TMEM196: variants seen among roughly 807,000 people sequenced by gnomAD.
TMEM196 encodes transmembrane protein 196.
TMEM196 carries 17 observed loss-of-function variants against 20.0 expected under a neutral mutation model. The observed-to-expected ratio is 0.85, with a 90% confidence interval of 0.58 to 1.27. The LOEUF (loss-of-function observed/expected upper bound fraction) is 1.27, where lower values mean the gene tolerates loss of function less well. Among genes scored for constraint, TMEM196 ranks in the 50% most tolerant of loss-of-function variants. The pLI is 0.00. For synonymous variants in TMEM196, 113 were observed against 88.9 expected (o/e 1.27, Z -1.52); for missense variants, 267 against 223.0 (o/e 1.20, Z -1.26).
chr7:19,762,019 A>G (rs548970308), intron 1 of TMEM196, among the ~76,000 whole-genome samples: 2 of 152,154 alleles, frequency 1.3e-5, no homozygotes, highest in African/African-American at 2.4e-5. Context: ...TTAAAAAATT[A>G]TCTCTTGAAT....
chr7:19,747,238 G>A (rs1452938446), intron 1 of TMEM196, among the ~76,000 whole-genome samples: 1 of 146,088 alleles, frequency 6.8e-6, no homozygotes, highest in Admixed American at 7.0e-5. Context: ...CTGGGCGACA[G>A]AGCGAGACTC....
At chr7:19,741,746 GAAGT>G (rs1319339091) in intron 1 of TMEM196, among the ~76,000 whole-genome samples, 2 of 152,134 alleles carry the variant, frequency 1.3e-5, no homozygotes, top group Admixed American at 6.6e-5. Flanking sequence ...TTAGAGATGA[GAAGT>G]AATTTCCCAA....
chr7:19,748,751 A>G (rs921581076), intron 1 of TMEM196, among the ~76,000 whole-genome samples: 4 of 152,222 alleles, frequency 2.6e-5, no homozygotes, highest in African/African-American at 9.6e-5. Flanking sequence ...GCAAGTGGAA[A>G]TTTGGAGTGG....
In TMEM196 at chr7:19,740,627, A is replaced by G. The variant is rs778299124; in HGVS notation, c.148-11189T>C. 2.6e-5 allele frequency among the ~76,000 whole-genome samples: 4 copies of G among 152,166 alleles called. No individual in the cohort carries two copies. The South Asian group carries it at 8.3e-4, about 31-fold the overall frequency. Reference sequence around the variant, plus strand: ...CTAACAAAAACTCCCTAATCTGTACATACTCAGAATGTGTATTTGGAATGA... The same window carrying G: ...CTAACAAAAACTCCCTAATCTGTACGTACTCAGAATGTGTATTTGGAATGA... On this transcript the variant is annotated intron_variant, in intron 1 of 4. Coordinates refer to ENST00000405844, the MANE Select transcript of TMEM196 (RefSeq NM_001363562.2).
intron 4 of TMEM196, 38 bp downstream of exon 4, chr7:19,724,242 G>T (rs186418314): frequency 6.5e-7 from 1 of 1,530,138 alleles, no homozygotes; most frequent in South Asian, 1.2e-5. Context: ...TTTCTGCAGC[G>T]ACATTACAAC....
intron 1 of TMEM196, among the ~76,000 whole-genome samples, chr7:19,730,407 C>T (rs1044026896): frequency 6.6e-6 from 1 of 152,126 alleles, no homozygotes; most frequent in African/African-American, 2.4e-5. Context: ...TTTTAGTAAT[C>T]ATAAAATGAT....
intron 1 of TMEM196, among the ~76,000 whole-genome samples, chr7:19,769,671 A>G: frequency 6.6e-6 from 1 of 152,096 alleles, no homozygotes; most frequent in Non-Finnish European, 1.5e-5. Context: ...ATCCATGAAT[A>G]CAAACCAACC....
rs186452899 is a variant in TMEM196, at chr7:19,743,491, A to T, written c.148-14053T>A. Among the ~76,000 whole-genome samples, 983 of 152,260 alleles carry T rather than the reference A, an allele frequency of 6.5e-3. 3 individuals are homozygous for T. Among genetic ancestry groups the T allele is most frequent in the Non-Finnish European group, 0.011 (716 of 67,998 alleles). On this transcript the variant is annotated intron_variant, in intron 1 of 4. Transcript: ENST00000405844. ...TGCTCTCTCTGTTTGTATCAATTTT[A>T]TAATAAATATTTTGGATCAGGTATA...
intron 4 of TMEM196, among the ~76,000 whole-genome samples, chr7:19,723,939 A>G (rs1183394836): frequency 6.6e-6 from 1 of 152,164 alleles, no homozygotes; most frequent in Non-Finnish European, 1.5e-5. Context: ...AGACATATCT[A>G]TTATTAAAAA....
intron 2 of TMEM196, among the ~76,000 whole-genome samples, chr7:19,727,771 T>G (rs1419680367): frequency 3.3e-5 from 5 of 152,216 alleles, no homozygotes; most frequent in African/African-American, 4.8e-5. Context: ...GATGTCATTC[T>G]GATTAATTCT....
intron 1 of TMEM196, among the ~76,000 whole-genome samples, chr7:19,754,657 AAG>A (rs571175849): frequency 0.011 from 1,579 of 146,640 alleles, 36 homozygotes; most frequent in African/African-American, 0.038. Flanking sequence ...CATGAACTAT[AAG>A]AAAAAGGAAA....
At chr7:19,746,082 C>G (rs1784740978) in intron 1 of TMEM196, among the ~76,000 whole-genome samples, 1 of 152,072 alleles carries the variant, frequency 6.6e-6, no homozygotes, top group East Asian at 1.9e-4. Flanking sequence ...GTTCTTTGAC[C>G]TACCTGGGAA....
intron 4 of TMEM196, among the ~76,000 whole-genome samples, chr7:19,723,313 C>T (rs1562603837): frequency 6.6e-6 from 1 of 151,662 alleles, no homozygotes; most frequent in African/African-American, 2.4e-5. Context: ...CCTGTTTTAC[C>T]TACTAGGAGA....
intron 3 of TMEM196, 38 bp from the exon 4 acceptor site, chr7:19,724,391 C>A (rs1178800433): frequency 4.6e-6 from 7 of 1,523,960 alleles, no homozygotes; most frequent in Non-Finnish European, 6.2e-6. Flanking sequence ...AAATATTGCA[C>A]AAATATATAC....
chr7:19,754,825 G>C (rs372419649), intron 1 of TMEM196, among the ~76,000 whole-genome samples: 7 of 152,256 alleles, frequency 4.6e-5, no homozygotes, highest in African/African-American at 1.7e-4. Context: ...ATCTCTCCCA[G>C]CTCTGACATT....
At chr7:19,736,770 T>C (rs992831226) in intron 1 of TMEM196, among the ~76,000 whole-genome samples, 2 of 151,840 alleles carry the variant, frequency 1.3e-5, no homozygotes, top group African/African-American at 4.8e-5. Context: ...AAACATGGAG[T>C]CAATGTTCAA....
chr7:19,731,591 A>G (rs1191288952), intron 1 of TMEM196, among the ~76,000 whole-genome samples: 1 of 152,238 alleles, frequency 6.6e-6, no homozygotes. Context: ...AAAGAATTTG[A>G]AAGCAGTGTA....
At chr7:19,760,023 G>A (rs188035723) in intron 1 of TMEM196, among the ~76,000 whole-genome samples, 27 of 151,948 alleles carry the variant, frequency 1.8e-4, no homozygotes, top group African/African-American at 5.5e-4. Context: ...TTATAATTAC[G>A]GAAAAATCTA....
chr7:19,767,996 A>G (rs2128040560), intron 1 of TMEM196, among the ~76,000 whole-genome samples: 2 of 152,250 alleles, frequency 1.3e-5, no homozygotes, highest in South Asian at 4.1e-4. Flanking sequence ...GAATTTCAAC[A>G]AAATCCTACA....
Sources: gnomAD v4.1 joint callset for allele counts (sites outside exome capture counted in the v4.1 genomes callset) on GRCh38, gnomAD v4.1.1 for gene constraint, MANE v1.5 for transcripts, NCBI Gene and HGNC (gene_info 2026-07-23, HGNC 2026-07-21) for gene names.